ELK3: variants seen among roughly 807,000 people sequenced by gnomAD.
ELK3 encodes the protein ETS domain-containing protein Elk-3.
ELK3 carries 10 observed loss-of-function variants against 28.9 expected under a neutral mutation model. That is an observed-to-expected ratio of 0.35 (90% CI 0.21 to 0.59). The LOEUF is 0.59. Among genes scored for constraint, ELK3 ranks in the 20% least tolerant of loss-of-function variants. The pLI, the probability that ELK3 is intolerant of heterozygous loss-of-function variation, is 0.82. For missense variants in ELK3, 463 were observed against 517.3 expected (o/e 0.90, Z 1.02); for synonymous variants, 272 against 243.5 (o/e 1.12, Z -1.09).
chr12:96,230,961 G>A (rs559730192), intron 2 of ELK3, among the ~76,000 whole-genome samples: 5 of 152,300 alleles, frequency 3.3e-5, no homozygotes, highest in East Asian at 1.9e-4. Context: ...TCCAGGGAGC[G>A]GCATGTTTTG....
chr12:96,216,053 G>A (rs1271363989), intron 1 of ELK3, among the ~76,000 whole-genome samples: 2 of 152,154 alleles, frequency 1.3e-5, no homozygotes, highest in Non-Finnish European at 2.9e-5. Flanking sequence ...GAGGTCAAGC[G>A]TTTTACTCTC....
intron 2 of ELK3, among the ~76,000 whole-genome samples, chr12:96,245,830 C>T (rs895964118): frequency 2.6e-5 from 4 of 152,056 alleles, no homozygotes; most frequent in Non-Finnish European, 4.4e-5. Context: ...ATATAAAGTC[C>T]CTTCTCCCAA....
chr12:96,211,481 GTGTGT>G (rs1951577487), intron 1 of ELK3, among the ~76,000 whole-genome samples: 1 of 30,166 alleles, frequency 3.3e-5, no homozygotes, highest in Non-Finnish European at 5.9e-5. Context: ...GGATGTCATT[GTGTGT>G]TTGTGTGTGT....
chr12:96,266,981 G>C, intron 4 of ELK3, 101 bp from the exon 5 acceptor site: 1 of 848,548 alleles, frequency 1.2e-6, no homozygotes, highest in Non-Finnish European at 1.7e-6. Context: ...CAGGGGTGAT[G>C]AGAGAAATGG....
chr12:96,268,340 A>G lies in ELK3; in HGVS notation c.*1160A>G, dbSNP rs893968121. The G allele has an allele frequency of 6.6e-6, 1 of 152,234 alleles. No homozygotes were observed. Among genetic ancestry groups the G allele is most frequent in the Non-Finnish European group, 1.5e-5 (1 of 68,038 alleles). The allele number at this position is 152,234 out of a possible 1,614,324, so 9.4% of individuals were successfully genotyped here. Reference sequence around the variant, plus strand: ...AGGATACACTGCTTTATGTATTACTAAAGTTAGGGGAGAATGAAGGAAATC... The same window carrying G: ...AGGATACACTGCTTTATGTATTACTGAAGTTAGGGGAGAATGAAGGAAATC... On this transcript the variant is annotated 3_prime_UTR_variant, in exon 5 of 5. Coordinates refer to ENST00000228741, the MANE Select transcript of ELK3 (RefSeq NM_005230.4).
At chr12:96,261,667 A>T (rs1201501548) in intron 4 of ELK3, among the ~76,000 whole-genome samples, 1 of 152,182 alleles carries the variant, frequency 6.6e-6, no homozygotes, top group Non-Finnish European at 1.5e-5. Context: ...CCTTACTGGG[A>T]ATTCTGCCAC....
intron 1 of ELK3, among the ~76,000 whole-genome samples, chr12:96,219,430 A>G (rs796196502): frequency 3.1e-4 from 47 of 152,322 alleles, no homozygotes; most frequent in African/African-American, 1.1e-3. Context: ...GTGTTTTCCA[A>G]CACCCCAGAG....
At chr12:96,253,442 C>T (rs1021092931) in intron 3 of ELK3, among the ~76,000 whole-genome samples, 8 of 152,308 alleles carry the variant, frequency 5.3e-5, no homozygotes, top group Admixed American at 3.3e-4. Context: ...ATGGGAGTCT[C>T]CATTTTGTCT....
chr12:96,242,144 C>T (rs1264839201), intron 2 of ELK3, among the ~76,000 whole-genome samples: 1 of 152,198 alleles, frequency 6.6e-6, no homozygotes, highest in Admixed American at 6.5e-5. Flanking sequence ...GGAAACCCGA[C>T]TTTTTCTAAA....
intron 1 of ELK3, among the ~76,000 whole-genome samples, chr12:96,202,919 G>A (rs537928744): frequency 2.6e-5 from 4 of 151,096 alleles, no homozygotes; most frequent in Non-Finnish European, 5.9e-5. Flanking sequence ...ATGGAGTCTC[G>A]CTCCGTCGCC....
chr12:96,266,778 A>G (rs1485192067), intron 4 of ELK3, among the ~76,000 whole-genome samples: 1 of 152,210 alleles, frequency 6.6e-6, no homozygotes, highest in African/African-American at 2.4e-5. Context: ...TGAGTAGCTT[A>G]GAACTTTTAA....
At chr12:96,229,334 G>T (rs1258948908) in intron 2 of ELK3, among the ~76,000 whole-genome samples, 2 of 152,110 alleles carry the variant, frequency 1.3e-5, no homozygotes, top group Non-Finnish European at 2.9e-5. Context: ...AGTTCTGGAG[G>T]CCAGATGTCC....
In ELK3 at chr12:96,247,740, A is replaced by G; in HGVS notation, c.1002+6A>G. 1 of 1,533,226 alleles carries G rather than the reference A, an allele frequency of 6.5e-7. No individual in the cohort carries two copies. Among genetic ancestry groups the G allele is most frequent in the East Asian group, 2.4e-5 (1 of 41,934 alleles). 95.0% of individuals were successfully genotyped at this position (1,533,226 alleles called of 1,614,324 possible). A position where few individuals can be genotyped will look rare whatever the true frequency, so the allele number is the denominator to read the frequency against. On this transcript the variant is annotated splice_donor_region_variant and intron_variant, in intron 3 of 4. Coordinates refer to ENST00000228741, the MANE Select transcript of ELK3 (RefSeq NM_005230.4). The surrounding 1 kb of genome is among the most constrained non-coding windows in gnomAD (Gnocchi z 5.5). ...CAGCCTTCTTCACCGCACAGGTAAG[A>G]GTCATTCCTGTCATCTAAGCCACAG...
rs559106977 is a variant in ELK3 at position 96,247,242 on chromosome 12, C to T, written c.510C>T (p.Pro170=). The change falls in exon 3 of 5, where the codon CCC becomes CCT. Residue 170 remains proline (P), a synonymous_variant. Transcript: ENST00000228741. The surrounding 1 kb of genome is among the most constrained non-coding windows in gnomAD (Gnocchi z 5.5). ...AGACGGAGAAGCTGGAGGAGCCGCC[C>T]GAAGACAGCCCCCCCGTGGAAGAAG... The part of the protein sequence containing the change: ...AIKTEKLEEP[P]EDSPPVEEVR... The T allele has an allele frequency of 5.0e-4, 815 of 1,614,154 alleles. 18 individuals carry two copies. In the South Asian group the frequency reaches 8.6e-3, roughly 17 times the overall value.
chr12:96,233,407 G>A (rs1337729222), intron 2 of ELK3, among the ~76,000 whole-genome samples: 1 of 152,158 alleles, frequency 6.6e-6, no homozygotes, highest in African/African-American at 2.4e-5. Flanking sequence ...GTGATAGGAT[G>A]AAAAATCCTC....
intron 3 of ELK3, among the ~76,000 whole-genome samples, chr12:96,249,629 C>T (rs1049080252): frequency 2.3e-5 from 3 of 129,946 alleles, no homozygotes; most frequent in African/African-American, 8.7e-5. Flanking sequence ...TGAGAAAGGT[C>T]CGAAGCCAGG....
chr12:96,251,547 T>C (rs1951906674), intron 3 of ELK3, among the ~76,000 whole-genome samples: 1 of 152,184 alleles, frequency 6.6e-6, no homozygotes, highest in Non-Finnish European at 1.5e-5. Flanking sequence ...TAGGGGGCTC[T>C]TATACCAGTT....
At chr12:96,217,813 C>T (rs1951629849) in intron 1 of ELK3, among the ~76,000 whole-genome samples, 1 of 151,676 alleles carries the variant, frequency 6.6e-6, no homozygotes, top group Non-Finnish European at 1.5e-5. Context: ...TGGTGCGCAC[C>T]TGTGGTCCCA....
intron 4 of ELK3, among the ~76,000 whole-genome samples, chr12:96,265,349 A>G (rs1952021858): frequency 6.6e-6 from 1 of 152,230 alleles, no homozygotes; most frequent in African/African-American, 2.4e-5. Context: ...GAAAACACCA[A>G]TAAGGTACAC....
Sources: allele counts gnomAD v4.1 joint callset (sites outside exome capture counted in the v4.1 genomes callset), GRCh38; gene constraint gnomAD v4.1.1; non-coding constraint Gnocchi (gnomAD v3.1); transcripts MANE v1.5; gene names NCBI Gene and HGNC (gene_info 2026-07-23, HGNC 2026-07-21).